Variants in TAOK1 observed in about 807,000 individuals in gnomAD.
The protein encoded by TAOK1 is serine/threonine-protein kinase TAO1.
A neutral mutation model predicts 138.3 loss-of-function variants in TAOK1; 21 were observed. That is an observed-to-expected ratio of 0.15 (90% CI 0.11 to 0.22). The LOEUF is 0.22. Among genes scored for constraint, TAOK1 ranks in the 10% least tolerant of loss-of-function variants. The pLI is 1.00. For missense variants in TAOK1, 651 were observed against 1,227.7 expected (o/e 0.53, Z 7.02); for synonymous variants, 361 against 398.4 (o/e 0.91, Z 1.12).
At chr17:29,494,500 T>C (rs914168859) in intron 10 of TAOK1, among the ~76,000 whole-genome samples, 6 of 151,676 alleles carry the variant, frequency 4.0e-5, no homozygotes, top group African/African-American at 1.5e-4. Flanking sequence ...AGAAATAAAT[T>C]TGAGCTAACA....
Position 29,495,709 on chromosome 17 carries a change from A to C in TAOK1, c.981A>C (p.Glu327Asp). The C allele has an allele frequency of 6.2e-7, 1 of 1,603,840 alleles. No individual in the cohort carries two copies. The highest frequency in any genetic ancestry group is 8.5e-7 in the Non-Finnish European group (1 of 1,174,550). The change falls in exon 11 of 20, where the codon GAA becomes GAC. Residue 327 changes from glutamate (E) to aspartate (D), a missense_variant. Physicochemically the swap from Glu to Asp is conservative, Grantham distance 45. Coordinates refer to ENST00000261716, the MANE Select transcript of TAOK1 (RefSeq NM_020791.4). ...FQEAHNGPAV[E>D]AQEEEEEQDH... ...AGGCACATAATGGACCAGCAGTAGA[A>C]GCACAGGAAGAAGAAGAGGTAAGAG...
chr17:29,504,055 T>G (rs560475), intron 13 of TAOK1, among the ~76,000 whole-genome samples: 131,669 of 150,734 alleles, frequency 0.87, 57,669 homozygotes, highest in Middle Eastern at 0.95. Flanking sequence ...AGGCTGCAGT[T>G]AGCTGAGATA....
chr17:29,433,997 G>A (rs1905941825), intron 1 of TAOK1, among the ~76,000 whole-genome samples: 1 of 152,180 alleles, frequency 6.6e-6, no homozygotes, highest in South Asian at 2.1e-4. Flanking sequence ...ACCATTTGGA[G>A]TTTGATGGCC....
chr17:29,533,246 G>T (rs1001141698), intron 18 of TAOK1, among the ~76,000 whole-genome samples: 2 of 145,376 alleles, frequency 1.4e-5, no homozygotes, highest in Non-Finnish European at 3.0e-5. Flanking sequence ...GACGATGGGC[G>T]GCCGGGCAGA....
At chr17:29,518,418 GA>G (rs1299162379) in intron 16 of TAOK1, among the ~76,000 whole-genome samples, 1 of 152,242 alleles carries the variant, frequency 6.6e-6, no homozygotes, top group Non-Finnish European at 1.5e-5. Context: ...CCAGGAGGTT[GA>G]GGTTGCAGTG....
At chr17:29,458,835 T>C (rs1025693050) in intron 2 of TAOK1, among the ~76,000 whole-genome samples, 2 of 152,118 alleles carry the variant, frequency 1.3e-5, no homozygotes, top group Non-Finnish European at 2.9e-5. Context: ...GCTGGGATTA[T>C]AGGCGTGCGC....
At chr17:29,517,767 T>C in intron 16 of TAOK1, 111 bp downstream of exon 16, 2 of 925,942 alleles carry the variant, frequency 2.2e-6, no homozygotes, top group South Asian at 1.8e-5. Flanking sequence ...TGCCTCTGTC[T>C]GAATCATTCT....
chr17:29,458,200 CGGTTTCT>C (rs1275947480), intron 2 of TAOK1, among the ~76,000 whole-genome samples: 9 of 151,864 alleles, frequency 5.9e-5, no homozygotes, highest in Non-Finnish European at 1.0e-4. Flanking sequence ...TTACTGTTTA[CGGTTTCT>C]GGCTATTATG....
At chr17:29,417,732 G>A (rs1315956373) in intron 1 of TAOK1, among the ~76,000 whole-genome samples, 3 of 152,136 alleles carry the variant, frequency 2.0e-5, no homozygotes, top group Non-Finnish European at 4.4e-5. Flanking sequence ...GTTTCTTCTT[G>A]CCATCTTTGT....
Position 29,508,074 on chromosome 17 carries a change from A to G in TAOK1, c.1517A>G (p.Asn506Ser). ...AAAGATCTTGAAACTCAGCGTAACA[A>G]TTTTGCTGCAGAAATGGAGAAACTT... Reference protein sequence around the residue: ...LDKDLETQRNNFAAEMEKLIK... With the variant: ...LDKDLETQRNSFAAEMEKLIK... The change falls in exon 14 of 20, where the codon AAT becomes AGT. Residue 506 changes from asparagine to serine, a missense_variant. Physicochemically the swap from Asn to Ser is conservative, Grantham distance 46. Coordinates refer to ENST00000261716, the MANE Select transcript of TAOK1 (RefSeq NM_020791.4). 5.6e-6 allele frequency: 9 copies of G among 1,614,134 alleles called. No homozygotes were observed. The highest frequency in any genetic ancestry group is 6.8e-6 in the Non-Finnish European group (8 of 1,179,994).
chr17:29,398,657 G>A (rs1904737489), intron 1 of TAOK1, among the ~76,000 whole-genome samples: 1 of 151,760 alleles, frequency 6.6e-6, no homozygotes, highest in Non-Finnish European at 1.5e-5. Context: ...AGCCTCCCGG[G>A]TAGCTGGGAT....
At chr17:29,482,830 A>G (rs577795279) in intron 8 of TAOK1, among the ~76,000 whole-genome samples, 9 of 151,970 alleles carry the variant, frequency 5.9e-5, no homozygotes, top group Non-Finnish European at 7.4e-5. Flanking sequence ...GGGTCTTGCA[A>G]TGAGAGAGAG....
At chr17:29,542,216 C>G (rs2032330055) in intron 19 of TAOK1, among the ~76,000 whole-genome samples, 1 of 152,058 alleles carries the variant, frequency 6.6e-6, no homozygotes, top group Non-Finnish European at 1.5e-5. Flanking sequence ...AAATAATAGA[C>G]ACTAGAGACT....
chr17:29,447,588 C>T (rs934153219), intron 1 of TAOK1, among the ~76,000 whole-genome samples: 2 of 152,088 alleles, frequency 1.3e-5, no homozygotes, highest in Non-Finnish European at 1.5e-5. Flanking sequence ...ATCTGCCAAC[C>T]GTGGCCTCCG....
At chr17:29,525,358 G>C (rs889858017) in intron 17 of TAOK1, among the ~76,000 whole-genome samples, 1 of 151,744 alleles carries the variant, frequency 6.6e-6, no homozygotes, top group Non-Finnish European at 1.5e-5. Flanking sequence ...TGATCCGCCC[G>C]CCTCGGCCTC....
intron 1 of TAOK1, among the ~76,000 whole-genome samples, chr17:29,434,343 T>C (rs1481331842): frequency 6.6e-6 from 1 of 152,062 alleles, no homozygotes; most frequent in East Asian, 1.9e-4. Context: ...GGAAAAAGCC[T>C]CCTTTTAAAG....
At chr17:29,461,621 T>C (rs72821442) in intron 2 of TAOK1, among the ~76,000 whole-genome samples, 20 of 152,318 alleles carry the variant, frequency 1.3e-4, no homozygotes, top group Admixed American at 3.3e-4. Flanking sequence ...CTGAAATTTC[T>C]ACTACTTGCC....
In TAOK1 at chr17:29,534,250, C is replaced by T. The variant is rs372056956; in HGVS notation, c.2494C>T (p.Arg832Cys). 7 of 1,612,728 alleles carry T rather than the reference C, an allele frequency of 4.3e-6. No homozygotes were observed. Among genetic ancestry groups the T allele is most frequent in the African/African-American group, 1.3e-5 (1 of 74,838 alleles). Residue 832 changes from arginine (R) to cysteine (C), a missense_variant, in exon 19 of 20, where the codon CGC becomes TGC. Around this residue, in one of 8 missense-constraint regions of TAOK1, gnomAD observed 258 missense variants for 548.9 expected, o/e 0.47. Coordinates refer to ENST00000261716, the MANE Select transcript of TAOK1 (RefSeq NM_020791.4). ...QAEAQHDREL[R>C]ELEQRVSLRR... The stretch of plus-strand genomic sequence containing the variant: ...TGAGGCACAACATGATCGAGAGCTT[C>T]GCGAGCTTGAACAGAGGGTCTCCCT...
intron 13 of TAOK1, among the ~76,000 whole-genome samples, chr17:29,504,781 A>G (rs1237277998): frequency 6.6e-6 from 1 of 152,238 alleles, no homozygotes; most frequent in Non-Finnish European, 1.5e-5. Flanking sequence ...CCTATGCTGT[A>G]GTTCATGAAT....
Sources: gnomAD v4.1 joint callset for allele counts (sites outside exome capture counted in the v4.1 genomes callset) on GRCh38, gnomAD v4.1.1 for gene constraint, gnomAD v4.1.1 regional missense constraint, MANE v1.5 for transcripts, NCBI Gene and HGNC (gene_info 2026-07-23, HGNC 2026-07-21) for gene names.